The following CDC34 variants were observed in gnomAD, a reference collection of about 807,000 sequenced individuals.
CDC34 encodes the protein cell division cycle 34, ubiquitin conjugating enzyme.
Under a neutral mutation model 26.8 loss-of-function variants are expected in CDC34, and 18 were observed. The ratio of observed to expected loss-of-function variants is 0.67; its 90% CI spans 0.47 to 1.00. CDC34 has a LOEUF of 1.00. Ranked by LOEUF, CDC34 falls within the 50% of genes least tolerant of loss-of-function variation. CDC34 has a pLI of 0.00. For synonymous variants in CDC34, 178 were observed against 147.5 expected, an observed-to-expected ratio of 1.21 and a Z score of -1.50; for missense variants, 280 against 334.5, an observed-to-expected ratio of 0.84 and a Z score of 1.27.
intron 4 of CDC34, 98 bp from the exon 5 acceptor site, chr19:541,241 C>G (rs1979999056): frequency 1.4e-6 from 2 of 1,414,012 alleles, no homozygotes; most frequent in Admixed American, 2.8e-5. Context: ...TAAGAGAAAC[C>G]TGAGCGTTGG....
In CDC34 at chr19:537,122, G is replaced by A; in HGVS notation, c.472G>A (p.Asp158Asn). 1 of 1,613,688 alleles carries A rather than the reference G, an allele frequency of 6.2e-7. No individual in the cohort carries two copies. The highest frequency in any genetic ancestry group is 1.1e-5 in the South Asian group (1 of 91,088). Residue 158 changes from aspartate to asparagine, a missense_variant, in exon 4 of 5, where the codon GAT (aspartate) becomes AAT (asparagine). Physicochemically the swap from Asp to Asn is conservative, Grantham distance 23. Transcript: ENST00000215574. The stretch of plus-strand genomic sequence containing the variant: ...GAAGTGGAAAGAGAGCAAGGGGAAG[G>A]ATCGGGAGTACACAGACATCATCCG... ...YRKWKESKGK[D>N]REYTDIIRKQ...
chr19:540,794 C>T (rs922573526), intron 4 of CDC34, among the ~76,000 whole-genome samples: 1 of 35,590 alleles, frequency 2.8e-5, no homozygotes, highest in Non-Finnish European at 8.1e-5. Flanking sequence ...GCTGGGATGG[C>T]CAGGCCCCCC....
At chr19:532,681 G>C (rs755597506) in intron 1 of CDC34, among the ~76,000 whole-genome samples, 1 of 152,240 alleles carries the variant, frequency 6.6e-6, no homozygotes, top group Non-Finnish European at 1.5e-5. Context: ...ACAAAGGCCC[G>C]GATGAGCCTT....
intron 4 of CDC34, chr19:539,042 T>C (rs1273042685): frequency 2.8e-5 from 27 of 979,516 alleles, no homozygotes; most frequent in Admixed American, 1.8e-4. Context: ...CAAAACTCCC[T>C]GTGGGCCAAC....
At chr19:538,581 G>A (rs2145851051) in intron 4 of CDC34, 1 of 400,188 alleles carries the variant, frequency 2.5e-6, no homozygotes, top group Non-Finnish European at 3.4e-6. Flanking sequence ...TCCTCACAGA[G>A]GCCTCACCTA....
chr19:539,801 G>C (rs1048478862), intron 4 of CDC34, among the ~76,000 whole-genome samples: 1 of 152,230 alleles, frequency 6.6e-6, no homozygotes, highest in Non-Finnish European at 1.5e-5. Flanking sequence ...TTCCAGTCCT[G>C]GGGGGACATT....
chr19:536,819 G>A, intron 3 of CDC34, 194 bp from the exon 4 acceptor site: 1 of 626,224 alleles, frequency 1.6e-6, no homozygotes, highest in Non-Finnish European at 2.8e-6. Flanking sequence ...CCTGGTCTTG[G>A]CGTGGGAGGG....
intron 1 of CDC34, 36 bp from the exon 2 acceptor site, chr19:535,801 G>A (rs1444307543): frequency 6.5e-7 from 1 of 1,543,776 alleles, no homozygotes. Flanking sequence ...TCTTGGGGCT[G>A]GGCTGGACTG....
intron 4 of CDC34, among the ~76,000 whole-genome samples, chr19:538,206 G>C (rs1009373033): frequency 1.3e-5 from 2 of 152,380 alleles, no homozygotes; most frequent in Non-Finnish European, 1.5e-5. Flanking sequence ...TGTTAGTCAG[G>C]GGTGTTGGCC....
In CDC34 at chr19:541,481, G is replaced by T. The variant is rs1350306457; in HGVS notation, c.640G>T (p.Gly214Cys). The change falls in exon 5 of 5, where the codon GGC becomes TGC. Residue 214 changes from glycine to cysteine, a missense_variant. Physicochemically the swap from Gly to Cys is radical, Grantham distance 159. Transcript: ENST00000215574. ...DLFYDDYYED[G>C]EVEEEADSCF... Reference sequence around the variant, plus strand: ...CTTCTACGACGACTACTACGAGGACGGCGAGGTGGAGGAGGAGGCCGACAG... The same window carrying T: ...CTTCTACGACGACTACTACGAGGACTGCGAGGTGGAGGAGGAGGCCGACAG... 1.9e-6 allele frequency: 3 copies of T among 1,611,856 alleles called. No individual in the cohort carries two copies. In the South Asian group the frequency reaches 3.3e-5, roughly 18 times the overall value.
At chr19:534,942 G>A (rs1047976086) in intron 1 of CDC34, among the ~76,000 whole-genome samples, 3 of 152,094 alleles carry the variant, frequency 2.0e-5, no homozygotes, top group Non-Finnish European at 2.9e-5. Context: ...CGATCGCTCT[G>A]GGGGTGCTGC....
At position 541,249 on chromosome 19, in the gene CDC34, T is replaced by C. The variant is rs1410121331; in HGVS notation, c.498-90T>C. On this transcript the variant is annotated intron_variant, in intron 4 of 4. Coordinates refer to ENST00000215574, the MANE Select transcript of CDC34 (RefSeq NM_004359.2). ...GCCGTTTTAAGAGAAACCTGAGCGT[T>C]GGGGTGAGCGTCGGACCTGGGGGAG... The C allele has an allele frequency of 2.8e-6, 4 of 1,431,540 alleles. No homozygotes were observed. The East Asian group carries it at 1.0e-4, about 36-fold the overall frequency. The allele number at this position is 1,431,540 out of a possible 1,614,324, so 88.7% of individuals were successfully genotyped here. A position where few individuals can be genotyped will look rare whatever the true frequency, so the allele number is the denominator to read the frequency against.
intron 3 of CDC34, 159 bp downstream of exon 3, chr19:536,499 A>G: frequency 1.6e-6 from 1 of 616,728 alleles, no homozygotes; most frequent in Non-Finnish European, 2.9e-6. Flanking sequence ...GCCTCGCTGT[A>G]CCTGCACGGT....
chr19:541,144 C>T (rs1189624601), intron 4 of CDC34, 195 bp from the exon 5 acceptor site: 14 of 682,140 alleles, frequency 2.1e-5, no homozygotes, highest in Admixed American at 1.7e-4. Context: ...CACCTCCTGC[C>T]CTTCCCGAGC....
At position 538,767 on chromosome 19, in the gene CDC34, C is replaced by T. The variant is rs561497941; in HGVS notation, c.497+1620C>T. 50 of 985,378 alleles carry T rather than the reference C, an allele frequency of 5.1e-5. No individual in the cohort carries two copies. In the South Asian group the frequency reaches 1.8e-3, roughly 36 times the overall value. 61.0% of individuals were successfully genotyped at this position (985,378 alleles called of 1,614,324 possible). ...CTCGGGGCAGCATCCTGGTGCTGGG[C>T]GGTCTCGGCTCTGAGCAGCCATGGT... On this transcript the variant is annotated intron_variant, in intron 4 of 4. Transcript: ENST00000215574.
intron 1 of CDC34, among the ~76,000 whole-genome samples, chr19:532,396 C>T (rs1021484723): frequency 6.6e-6 from 1 of 152,214 alleles, no homozygotes; most frequent in Admixed American, 6.5e-5. Flanking sequence ...GGAGGGGTGG[C>T]CGGGGGCCCT....
chr19:536,085 ACCCGAGGCGC>A (rs1460809383), intron 2 of CDC34, among the ~76,000 whole-genome samples, 148 bp from the exon 3 acceptor site: 11 of 128,838 alleles, frequency 8.5e-5, no homozygotes, highest in South Asian at 2.4e-4. Context: ...TCCTTCCGGG[ACCCGAGGCGC>A]TGGGAGCCTC....
At chr19:539,935 C>T (rs1477792713) in intron 4 of CDC34, among the ~76,000 whole-genome samples, 4 of 152,206 alleles carry the variant, frequency 2.6e-5, no homozygotes, top group Non-Finnish European at 5.9e-5. Flanking sequence ...CTAACTTGTC[C>T]TCCCTTCCTG....
At position 541,770 on chromosome 19, in the gene CDC34, C is replaced by T. The variant is rs541634763; in HGVS notation, c.*218C>T. 7.7e-5 allele frequency: 34 copies of T among 442,062 alleles called. No individual in the cohort carries two copies. Among genetic ancestry groups the T allele is most frequent in the Middle Eastern group, 6.0e-4 (1 of 1,674 alleles). The allele number at this position is 442,062 out of a possible 1,614,324, so 27.4% of individuals were successfully genotyped here. On this transcript the variant is annotated 3_prime_UTR_variant, in exon 5 of 5. Coordinates refer to ENST00000215574, the MANE Select transcript of CDC34 (RefSeq NM_004359.2). The stretch of plus-strand genomic sequence containing the variant: ...CTCACGTCACTCGGGGCTCGGTGGA[C>T]GGGCCCAGGGTGGGAGCGGCCGGCC...
Sources: allele counts gnomAD v4.1 joint callset (sites outside exome capture counted in the v4.1 genomes callset), GRCh38; gene constraint gnomAD v4.1.1; transcripts MANE v1.5; gene names NCBI Gene and HGNC (gene_info 2026-07-23, HGNC 2026-07-21).